The following RIPOR2 variants were observed in gnomAD, a reference collection of about 807,000 sequenced individuals.
RIPOR2 encodes rho family-interacting cell polarization regulator 2.
A neutral mutation model predicts 114.5 loss-of-function variants in RIPOR2; 39 were observed. The observed-to-expected ratio is 0.34, with a 90% CI of 0.26 to 0.44. The LOEUF is 0.44. RIPOR2 is among the 20% of genes least tolerant of loss of function. RIPOR2 has a pLI of 1.00. For synonymous variants in RIPOR2, 445 were observed against 484.4 expected (o/e 0.92, Z 1.07); for missense variants, 1,007 against 1,255.1 (o/e 0.80, Z 2.99).
At chr6:25,020,054 T>C (rs1411522726) in intron 1 of RIPOR2, among the ~76,000 whole-genome samples, 2 of 152,068 alleles carry the variant, frequency 1.3e-5, no homozygotes, top group Non-Finnish European at 2.9e-5. Flanking sequence ...ATAGTGGGAT[T>C]ACAGGATATT....
intron 1 of RIPOR2, among the ~76,000 whole-genome samples, chr6:24,904,419 C>T (rs1312942318): frequency 6.6e-6 from 1 of 152,196 alleles, no homozygotes; most frequent in African/African-American, 2.4e-5. Context: ...AGTCACATTC[C>T]CTCTGACATA....
At position 24,839,267 on chromosome 6, in the gene RIPOR2, C is replaced by T; in HGVS notation, c.1863G>A (p.Lys621=). ...AAGACCTGCTGCGGCTTACTGCTGGCTTGCACTGTAAAGGCAGAAGGCACC... is the reference window on the plus strand; with the variant it reads ...AAGACCTGCTGCGGCTTACTGCTGGTTTGCACTGTAAAGGCAGAAGGCACC... ...VMNLDDILKC[K]PAVSRSRSSS... The change falls in exon 14 of 22, where the codon AAG becomes AAA. Residue 621 remains lysine, a synonymous_variant. Coordinates refer to ENST00000643898, the MANE Select transcript of RIPOR2 (RefSeq NM_001286445.3). 1 of 1,551,614 alleles carries T rather than the reference C, an allele frequency of 6.4e-7. No homozygotes were observed.
intron 1 of RIPOR2, among the ~76,000 whole-genome samples, chr6:24,985,612 C>T (rs60764391): frequency 6.6e-6 from 1 of 152,116 alleles, no homozygotes; most frequent in Non-Finnish European, 1.5e-5. Flanking sequence ...GGATGAATTT[C>T]TATCCCCCGC....
At chr6:25,036,973 T>C (rs1037940211) in intron 1 of RIPOR2, among the ~76,000 whole-genome samples, 18 of 152,162 alleles carry the variant, frequency 1.2e-4, no homozygotes, top group African/African-American at 4.3e-4. Flanking sequence ...TCTCCCATTA[T>C]TTTGGGAAAA....
At position 24,896,763 on chromosome 6, in the gene RIPOR2, T is replaced by C. The variant is rs538450859; in HGVS notation, c.62-20946A>G. 9.1e-4 allele frequency among the ~76,000 whole-genome samples: 138 copies of C among 152,064 alleles called. 1 individual carries two copies. Among genetic ancestry groups the C allele is most frequent in the Middle Eastern group, 6.8e-3 (2 of 294 alleles). On this transcript the variant is annotated intron_variant, in intron 1 of 21. Transcript: ENST00000643898. Reference sequence around the variant, plus strand: ...ACTAAAAACACAAAAATTAGCTGGGTGTGGTGGCACGTGCCTGTAATCCCA... The same window carrying C: ...ACTAAAAACACAAAAATTAGCTGGGCGTGGTGGCACGTGCCTGTAATCCCA...
intron 1 of RIPOR2, among the ~76,000 whole-genome samples, chr6:25,039,027 T>C (rs1028793059): frequency 1.3e-5 from 2 of 152,220 alleles, no homozygotes; most frequent in African/African-American, 2.4e-5. Context: ...CCATTCAAGG[T>C]CCCTCTGTGT....
At chr6:24,825,641 T>C (rs1344267093) in intron 18 of RIPOR2, among the ~76,000 whole-genome samples, 1 of 152,114 alleles carries the variant, frequency 6.6e-6, no homozygotes, top group Non-Finnish European at 1.5e-5. Flanking sequence ...GCAAAACACA[T>C]GGGAAAAAGT....
rs374865148 is a variant in RIPOR2, at chr6:24,885,486, AGTGCTGGAATTACAG to A, written c.62-9684_62-9670del. Among the ~76,000 whole-genome samples, 352 of 152,284 alleles carry A rather than the reference AGTGCTGGAATTACAG, an allele frequency of 2.3e-3. 2 individuals are homozygous for A. Among genetic ancestry groups the A allele is most frequent in the South Asian group, 0.021 (103 of 4,828 alleles). On this transcript the variant is annotated intron_variant, in intron 1 of 21. Coordinates refer to ENST00000643898, the MANE Select transcript of RIPOR2 (RefSeq NM_001286445.3). ...CAATCCTCCTGCCTCGGCCTCCCAA[AGTGCTGGAATTACAG>A]GTGTGAGCCACCATGTCCGGCCAAA...
chr6:24,917,978 G>A (rs1226463491), intron 1 of RIPOR2, among the ~76,000 whole-genome samples: 1 of 152,176 alleles, frequency 6.6e-6, no homozygotes, highest in Non-Finnish European at 1.5e-5. Context: ...TGGGTCTGAT[G>A]CAGTCCCTGG....
intron 1 of RIPOR2, among the ~76,000 whole-genome samples, chr6:24,953,670 T>A (rs1033122223): frequency 3.3e-5 from 5 of 152,216 alleles, no homozygotes; most frequent in Non-Finnish European, 7.3e-5. Flanking sequence ...ATTTGAGAAG[T>A]ACCTTCCCTA....
chr6:24,914,527 C>T (rs983974682), intron 1 of RIPOR2, among the ~76,000 whole-genome samples: 2 of 152,144 alleles, frequency 1.3e-5, no homozygotes, highest in Non-Finnish European at 2.9e-5. Flanking sequence ...TGGTGAATTA[C>T]GAAGGAGGCA....
At chr6:24,988,876 G>A (rs1013168618) in intron 1 of RIPOR2, among the ~76,000 whole-genome samples, 3 of 152,186 alleles carry the variant, frequency 2.0e-5, no homozygotes, top group African/African-American at 7.2e-5. Flanking sequence ...GAATTGAGTG[G>A]TTGGAACAGA....
At chr6:24,888,213 G>C (rs890984373) in intron 1 of RIPOR2, among the ~76,000 whole-genome samples, 1 of 152,056 alleles carries the variant, frequency 6.6e-6, no homozygotes, top group Non-Finnish European at 1.5e-5. Context: ...AAAATACACC[G>C]ACCAGGGATC....
intron 1 of RIPOR2, among the ~76,000 whole-genome samples, chr6:24,980,885 T>C (rs529144214): frequency 6.6e-6 from 1 of 152,254 alleles, no homozygotes; most frequent in African/African-American, 2.4e-5. Context: ...AACAGAGGAA[T>C]GGAGATTGGG....
intron 1 of RIPOR2, among the ~76,000 whole-genome samples, chr6:25,011,559 G>T (rs1173388619): frequency 6.6e-6 from 1 of 152,364 alleles, no homozygotes; most frequent in Admixed American, 6.5e-5. Flanking sequence ...AGGGGAATTG[G>T]ATGGTGTTAC....
chr6:24,845,976 G>GGTGGGCT (rs1358082769), intron 12 of RIPOR2, among the ~76,000 whole-genome samples: 2 of 152,178 alleles, frequency 1.3e-5, no homozygotes, highest in African/African-American at 4.8e-5. Context: ...ATGGGCTTGT[G>GGTGGGCT]GTGGGCTGTG....
chr6:24,951,684 G>A (rs2114202322), intron 1 of RIPOR2, among the ~76,000 whole-genome samples: 1 of 152,300 alleles, frequency 6.6e-6, no homozygotes, highest in South Asian at 2.1e-4. Context: ...CTGGTACAAA[G>A]GAAATGTCAT....
intron 13 of RIPOR2, among the ~76,000 whole-genome samples, chr6:24,840,960 G>A (rs1761659217): frequency 6.6e-6 from 1 of 152,124 alleles, no homozygotes; most frequent in African/African-American, 2.4e-5. Flanking sequence ...TCCTAAGCAA[G>A]GTGTCTGCAC....
rs947756541 is a variant in RIPOR2 at position 24,852,397 on chromosome 6, T to C, written c.759+178A>G. Among the ~76,000 whole-genome samples, 3 of 151,378 alleles carry C rather than the reference T, an allele frequency of 2.0e-5. 1 individual carries two copies. In the East Asian group the frequency reaches 5.8e-4, roughly 29 times the overall value. ...AATGTTACAAAGTGGTGAATCTAGATGAAAGGTTTATGGGAAGTCCTGTAC... is the reference window on the plus strand; with the variant it reads ...AATGTTACAAAGTGGTGAATCTAGACGAAAGGTTTATGGGAAGTCCTGTAC... On this transcript the variant is annotated intron_variant, in intron 9 of 21. Transcript: ENST00000643898.
Sources: gnomAD v4.1 joint callset for allele counts (sites outside exome capture counted in the v4.1 genomes callset) on GRCh38, gnomAD v4.1.1 for gene constraint, MANE v1.5 for transcripts, NCBI Gene and HGNC (gene_info 2026-07-23, HGNC 2026-07-21) for gene names.